SMPD3: variants seen among roughly 807,000 people sequenced by gnomAD.
The protein encoded by SMPD3 is sphingomyelin phosphodiesterase 3.
SMPD3 carries 21 observed loss-of-function variants against 55.7 expected under a neutral mutation model. The observed-to-expected ratio is 0.38, with a 90% CI of 0.27 to 0.54. The LOEUF (loss-of-function observed/expected upper bound fraction) is 0.54. SMPD3 is among the 20% of genes least tolerant of loss of function. The pLI, the probability that SMPD3 is intolerant of heterozygous loss-of-function variation, is 0.80. For missense variants in SMPD3, 842 were observed against 899.6 expected, an observed-to-expected ratio of 0.94 and a Z score of 0.82; for synonymous variants, 457 against 404.3, an observed-to-expected ratio of 1.13 and a Z score of -1.56.
At chr16:68,374,321 G>A (rs1006273047) in intron 2 of SMPD3, among the ~76,000 whole-genome samples, 1 of 152,266 alleles carries the variant, frequency 6.6e-6, no homozygotes, top group African/African-American at 2.4e-5. Flanking sequence ...GTCTAAAGGT[G>A]AACTTGAGCT....
Position 68,371,059 on chromosome 16 carries a change from T to C in SMPD3, c.1123A>G (p.Lys375Glu). The change falls in exon 3 of 9, where the codon AAA becomes GAA. Residue 375 changes from lysine to glutamate, a missense_variant. Transcript: ENST00000219334. ...VFDKRAATKL[K>E]EQLHGYFEYI... ...TCGAAGTAGCCGTGCAGCTGCTCTT[T>C]CAATTTGGTGGCTGCTCGCTTGTCA... is the stretch of plus-strand genomic sequence containing the variant. The C allele has an allele frequency of 6.2e-7, 1 of 1,614,186 alleles. No homozygotes were observed. Among genetic ancestry groups the C allele is most frequent in the Non-Finnish European group, 8.5e-7 (1 of 1,180,038 alleles).
chr16:68,373,437 T>G (rs551252224), intron 2 of SMPD3, among the ~76,000 whole-genome samples: 2 of 152,216 alleles, frequency 1.3e-5, no homozygotes, highest in Non-Finnish European at 2.9e-5. Flanking sequence ...TAACCCAGAC[T>G]TTCCATGACT....
intron 1 of SMPD3, among the ~76,000 whole-genome samples, chr16:68,409,955 C>T (rs927094190): frequency 6.6e-6 from 1 of 152,210 alleles, no homozygotes; most frequent in Non-Finnish European, 1.5e-5. Context: ...CTCAGACCGT[C>T]ACCTACCTGA....
chr16:68,402,186 T>C (rs2152012297), intron 1 of SMPD3, among the ~76,000 whole-genome samples: 1 of 152,328 alleles, frequency 6.6e-6, no homozygotes, highest in Non-Finnish European at 1.5e-5. Context: ...GATTCCATTA[T>C]ACTTGTAGTA....
intron 2 of SMPD3, among the ~76,000 whole-genome samples, chr16:68,376,594 G>A (rs1486996910): frequency 6.6e-6 from 1 of 152,178 alleles, no homozygotes; most frequent in Non-Finnish European, 1.5e-5. Context: ...TGCGAATCCT[G>A]GTATGTAGCT....
intron 1 of SMPD3, among the ~76,000 whole-genome samples, chr16:68,399,403 G>C (rs143743496): frequency 1.3e-5 from 2 of 152,142 alleles, no homozygotes; most frequent in East Asian, 1.9e-4. Context: ...ACTGTGCTTC[G>C]TTTATGAATG....
At chr16:68,363,178 C>G (rs2089366006) in intron 7 of SMPD3, among the ~76,000 whole-genome samples, 1 of 57,100 alleles carries the variant, frequency 1.8e-5, no homozygotes, top group Non-Finnish European at 3.0e-5. Context: ...TGTGGCCTGG[C>G]CCGGGGGAAA....
intron 1 of SMPD3, among the ~76,000 whole-genome samples, chr16:68,437,530 C>T (rs1417251429): frequency 6.6e-6 from 1 of 152,184 alleles, no homozygotes; most frequent in Non-Finnish European, 1.5e-5. Context: ...CCTTGCCCAC[C>T]CTTGCACTCA....
intron 1 of SMPD3, among the ~76,000 whole-genome samples, chr16:68,442,362 C>G (rs2090573179): frequency 6.6e-6 from 1 of 152,174 alleles, no homozygotes; most frequent in Admixed American, 6.5e-5. Context: ...TTACAGCACA[C>G]ATTATTTCAG....
intron 1 of SMPD3, among the ~76,000 whole-genome samples, chr16:68,406,031 G>C (rs922863711): frequency 6.6e-6 from 1 of 152,152 alleles, no homozygotes; most frequent in African/African-American, 2.4e-5. Context: ...CCCTGCTTTT[G>C]CCCTTGGTCA....
At chr16:68,386,003 G>A (rs988934959) in intron 2 of SMPD3, among the ~76,000 whole-genome samples, 3 of 152,152 alleles carry the variant, frequency 2.0e-5, no homozygotes, top group Non-Finnish European at 2.9e-5. Flanking sequence ...CGGGCAGATC[G>A]CTTGAGCCCA....
intron 1 of SMPD3, among the ~76,000 whole-genome samples, chr16:68,428,552 CT>C (rs1178637513): frequency 6.6e-6 from 1 of 152,200 alleles, no homozygotes; most frequent in African/African-American, 2.4e-5. Flanking sequence ...CTCATACTGT[CT>C]TGAGTCTGGA....
intron 1 of SMPD3, among the ~76,000 whole-genome samples, chr16:68,394,349 G>T (rs771468651): frequency 6.6e-6 from 1 of 151,966 alleles, no homozygotes; most frequent in African/African-American, 2.4e-5. Context: ...TGTTGTATTT[G>T]TTTCTGTTAA....
rs1318299785 is a variant in SMPD3, at chr16:68,360,865, G to GA, written c.*340dup. On this transcript the variant is annotated 3_prime_UTR_variant, in exon 9 of 9. Transcript: ENST00000219334. Reference sequence around the variant, plus strand: ...CAGCAGACAAAAATAAAGAACCCTGGACGAAGCTTAAGAGGAGATACAGAG... The same window carrying GA: ...CAGCAGACAAAAATAAAGAACCCTGGAACGAAGCTTAAGAGGAGATACAGAG... 1 of 251,876 alleles carries GA rather than the reference G, an allele frequency of 4.0e-6. No homozygotes were observed. The highest frequency in any genetic ancestry group is 2.2e-5 in the African/African-American group (1 of 44,482). The allele number at this position is 251,876 out of a possible 1,614,324, so 15.6% of individuals were successfully genotyped here.
intron 1 of SMPD3, among the ~76,000 whole-genome samples, chr16:68,400,395 T>G (rs1374512330): frequency 6.6e-6 from 1 of 152,210 alleles, no homozygotes; most frequent in Non-Finnish European, 1.5e-5. Flanking sequence ...CAGGCCCTTC[T>G]GCTATATCCC....
At chr16:68,376,270 T>C (rs1171980222) in intron 2 of SMPD3, among the ~76,000 whole-genome samples, 1 of 152,158 alleles carries the variant, frequency 6.6e-6, no homozygotes, top group Non-Finnish European at 1.5e-5. Context: ...CCGGGCCTGC[T>C]GCGTGGTGGT....
At chr16:68,427,099 C>T (rs1163609239) in intron 1 of SMPD3, among the ~76,000 whole-genome samples, 4 of 149,372 alleles carry the variant, frequency 2.7e-5, no homozygotes, top group Non-Finnish European at 5.9e-5. Flanking sequence ...GGGGTTCGAG[C>T]GGTTCTCCTG....
At chr16:68,375,215 G>A (rs1299857153) in intron 2 of SMPD3, among the ~76,000 whole-genome samples, 1 of 151,886 alleles carries the variant, frequency 6.6e-6, no homozygotes, top group Non-Finnish European at 1.5e-5. Flanking sequence ...TCTCCCTTTG[G>A]TGGTCTCACT....
chr16:68,447,551 C>T lies in SMPD3; in HGVS notation c.-269+802G>A, dbSNP rs1366546268. The stretch of plus-strand genomic sequence containing the variant: ...TCCTGTCCTCGTACATCCCCCTACA[C>T]TACCTCTCACACCCAGGCCACCCAA... On this transcript the variant is annotated intron_variant, in intron 1 of 8. Coordinates refer to ENST00000219334, the MANE Select transcript of SMPD3 (RefSeq NM_018667.4). This position sits in a 1 kb window ranked among gnomAD's most constrained non-coding sequence, Gnocchi z 5.1. 1.3e-5 allele frequency among the ~76,000 whole-genome samples: 2 copies of T among 151,344 alleles called. No homozygotes were observed. The highest frequency in any genetic ancestry group is 3.0e-5 in the Non-Finnish European group (2 of 67,732).
Sources: gnomAD v4.1 joint callset for allele counts (sites outside exome capture counted in the v4.1 genomes callset) on GRCh38, gnomAD v4.1.1 for gene constraint, Gnocchi (gnomAD v3.1) non-coding constraint, MANE v1.5 for transcripts, NCBI Gene and HGNC (gene_info 2026-07-23, HGNC 2026-07-21) for gene names.